The following ATP8A2 variants were observed in gnomAD, a reference collection of about 807,000 sequenced individuals.
ATP8A2 encodes the protein ATPase phospholipid transporting 8A2.
In ATP8A2, 100 loss-of-function variants were observed where a neutral mutation model predicts 165.6. That is an observed-to-expected ratio of 0.60 (90% CI 0.51 to 0.71). The LOEUF (loss-of-function observed/expected upper bound fraction) is 0.71, where lower values mean the gene tolerates loss of function less well. ATP8A2 is among the 30% of genes least tolerant of loss of function. The probability of loss-of-function intolerance (pLI) is 0.00; values close to 1 mark genes in which losing one functional copy is unlikely to be tolerated. For missense variants in ATP8A2, 1,227 were observed against 1,479.5 expected, an observed-to-expected ratio of 0.83 and a Z score of 2.80; for synonymous variants, 543 against 548.8, an observed-to-expected ratio of 0.99 and a Z score of 0.15.
rs186047646 is a variant in ATP8A2, at chr13:25,464,763, C to T, written c.77-4214C>T. On this transcript the variant is annotated intron_variant, in intron 1 of 36. Transcript: ENST00000381655. ...ACAGAGAAGGGAGCAGCTGGTTCAG[C>T]GGCTGGGCAGGTACCTAAAAGGCAC... Among the ~76,000 whole-genome samples, 16 of 152,298 alleles carry T rather than the reference C, an allele frequency of 1.1e-4. No homozygotes were observed. The East Asian group carries it at 3.1e-3, about 29-fold the overall frequency.
chr13:25,994,246 A>G (rs976120648), intron 35 of ATP8A2, among the ~76,000 whole-genome samples: 12 of 151,756 alleles, frequency 7.9e-5, no homozygotes, highest in African/African-American at 2.7e-4. Context: ...ATACATAAAT[A>G]TATATATATA....
chr13:25,436,001 G>A (rs1222237609), intron 1 of ATP8A2, among the ~76,000 whole-genome samples: 2 of 151,584 alleles, frequency 1.3e-5, no homozygotes, highest in East Asian at 1.9e-4. Flanking sequence ...GTATGTGTGT[G>A]TGTCTTTCAG....
chr13:25,465,248 A>T (rs921512857), intron 1 of ATP8A2, among the ~76,000 whole-genome samples: 2 of 151,752 alleles, frequency 1.3e-5, no homozygotes, highest in East Asian at 1.9e-4. Context: ...TTTTTTGAAA[A>T]TTTTTTTTTC....
intron 35 of ATP8A2, among the ~76,000 whole-genome samples, chr13:25,994,629 T>A (rs1956461038): frequency 6.6e-6 from 1 of 152,134 alleles, no homozygotes; most frequent in Non-Finnish European, 1.5e-5. Context: ...TTTATCTGCA[T>A]GAACCAATAT....
intron 25 of ATP8A2, among the ~76,000 whole-genome samples, chr13:25,748,749 G>A (rs919754350): frequency 6.6e-5 from 10 of 152,126 alleles, no homozygotes; most frequent in African/African-American, 2.4e-4. Flanking sequence ...GCGTTGCTGC[G>A]GCCACTTTGA....
intron 13 of ATP8A2, among the ~76,000 whole-genome samples, chr13:25,555,783 A>C (rs1202950149): frequency 1.3e-5 from 2 of 151,752 alleles, no homozygotes; most frequent in East Asian, 3.9e-4. Context: ...CCCCAACCCC[A>C]TCTAGTAGTC....
At chr13:25,827,986 G>A in intron 27 of ATP8A2, 132 bp from the exon 28 acceptor site, 2 of 701,540 alleles carry the variant, frequency 2.9e-6, no homozygotes, top group Non-Finnish European at 2.6e-6. Flanking sequence ...AACAACTGCT[G>A]CAGTCCCTGT....
chr13:25,705,278 G>T, intron 25 of ATP8A2: 1 of 312,438 alleles, frequency 3.2e-6, no homozygotes, highest in South Asian at 2.6e-5. Context: ...GTCAGGAAAA[G>T]AGTCATGAAA....
intron 27 of ATP8A2, among the ~76,000 whole-genome samples, chr13:25,786,382 T>A (rs752776506): frequency 6.6e-6 from 1 of 152,194 alleles, no homozygotes; most frequent in Non-Finnish European, 1.5e-5. Flanking sequence ...GCCTGGTTTT[T>A]CAAACAGAGA....
chr13:25,373,715 T>A (rs898701989), intron 1 of ATP8A2, among the ~76,000 whole-genome samples: 1 of 152,128 alleles, frequency 6.6e-6, no homozygotes, highest in African/African-American at 2.4e-5. Flanking sequence ...AGGACCAGGG[T>A]TCTCTTTTGC....
chr13:25,667,995 G>A (rs1423596749), intron 24 of ATP8A2, among the ~76,000 whole-genome samples: 1 of 151,924 alleles, frequency 6.6e-6, no homozygotes, highest in East Asian at 1.9e-4. Flanking sequence ...TTTTATCTTT[G>A]TATATTGTAT....
intron 33 of ATP8A2, among the ~76,000 whole-genome samples, chr13:25,914,208 G>A (rs569658762): frequency 1.3e-5 from 2 of 152,152 alleles, no homozygotes; most frequent in East Asian, 3.9e-4. Flanking sequence ...TTTCCTTAGA[G>A]TTCAGCCCTT....
chr13:25,460,832 T>C (rs1221468603), intron 1 of ATP8A2, among the ~76,000 whole-genome samples: 1 of 152,198 alleles, frequency 6.6e-6, no homozygotes, highest in African/African-American at 2.4e-5. Context: ...CTTATAAGCC[T>C]ATTTCAAATG....
intron 24 of ATP8A2, among the ~76,000 whole-genome samples, chr13:25,683,261 G>A (rs2042532553): frequency 6.6e-6 from 1 of 152,204 alleles, no homozygotes. Flanking sequence ...CCAAGGTGAG[G>A]TTGTGGTTGA....
At chr13:25,381,835 C>T (rs1318301486) in intron 1 of ATP8A2, among the ~76,000 whole-genome samples, 1 of 152,098 alleles carries the variant, frequency 6.6e-6, no homozygotes, top group African/African-American at 2.4e-5. Context: ...GGCTCTTCTA[C>T]GCAGGATGAT....
chr13:25,638,758 C>T (rs1189395643), intron 24 of ATP8A2, among the ~76,000 whole-genome samples: 3 of 152,054 alleles, frequency 2.0e-5, no homozygotes. Context: ...ACAGAGAATG[C>T]CACAAAGATA....
chr13:25,665,786 G>T (rs1288976987), intron 24 of ATP8A2, among the ~76,000 whole-genome samples: 2 of 151,572 alleles, frequency 1.3e-5, no homozygotes, highest in African/African-American at 4.8e-5. Flanking sequence ...TGGGCTCAAG[G>T]AATCCTCCCG....
At chr13:25,548,414 G>A (rs2038718711) in intron 10 of ATP8A2, among the ~76,000 whole-genome samples, 1 of 152,058 alleles carries the variant, frequency 6.6e-6, no homozygotes, top group Admixed American at 6.5e-5. Context: ...CTCCTAATTG[G>A]CCAGAATTCA....
intron 23 of ATP8A2, among the ~76,000 whole-genome samples, chr13:25,584,009 C>T (rs1243182360): frequency 6.6e-6 from 1 of 152,134 alleles, no homozygotes; most frequent in African/African-American, 2.4e-5. Flanking sequence ...TCTCTATTCA[C>T]ATTTTATCTA....
Sources: allele counts gnomAD v4.1 joint callset (sites outside exome capture counted in the v4.1 genomes callset), GRCh38; gene constraint gnomAD v4.1.1; transcripts MANE v1.5; gene names NCBI Gene and HGNC (gene_info 2026-07-23, HGNC 2026-07-21).